Variants in ANKRD44 observed in about 807,000 individuals in gnomAD.
ANKRD44 encodes serine/threonine-protein phosphatase 6 regulatory ankyrin repeat subunit B.
ANKRD44 carries 35 observed loss-of-function variants against 116.0 expected under a neutral mutation model. The observed-to-expected ratio is 0.30, with a 90% confidence interval of 0.23 to 0.40. The LOEUF is 0.40. ANKRD44 is among the 10% of genes least tolerant of loss of function. ANKRD44 has a pLI of 1.00. For missense variants in ANKRD44, 1,014 were observed against 1,242.6 expected (o/e 0.82, Z 2.77); for synonymous variants, 435 against 461.8 (o/e 0.94, Z 0.74).
chr2:197,097,263 G>A (rs2078181560), intron 10 of ANKRD44, among the ~76,000 whole-genome samples: 1 of 152,070 alleles, frequency 6.6e-6, no homozygotes, highest in Admixed American at 6.6e-5. Context: ...AGAAATTCAT[G>A]ATTGTTTGGC....
intron 1 of ANKRD44, among the ~76,000 whole-genome samples, chr2:197,232,219 C>A (rs1397846176): frequency 6.6e-6 from 1 of 152,068 alleles, no homozygotes; most frequent in African/African-American, 2.4e-5. Flanking sequence ...TCACGCAGAC[C>A]CAAAGATATA....
rs2077842667 is a variant in ANKRD44 at position 197,083,374 on chromosome 2, A to G, written c.1452T>C (p.Asp484=). ...ATGAGCAAGGCTGTTTTTACTTTCT[A>G]TCCATGTCTGATGCAGCGGCGTAAT... ...ALHYAAASDM[D]RNKTILGNAH... The change falls in exon 14 of 28, where the codon GAT becomes GAC. Residue 484 remains aspartate (D), a synonymous_variant. Coordinates refer to ENST00000282272, the MANE Select transcript of ANKRD44 (RefSeq NM_001195144.2). The G allele has an allele frequency of 6.2e-7, 1 of 1,612,396 alleles. No homozygotes were observed. The highest frequency in any genetic ancestry group is 8.5e-7 in the Non-Finnish European group (1 of 1,179,442).
At chr2:197,120,142 C>G (rs1158023601) in intron 8 of ANKRD44, among the ~76,000 whole-genome samples, 1 of 152,198 alleles carries the variant, frequency 6.6e-6, no homozygotes, top group African/African-American at 2.4e-5. Flanking sequence ...CTCTTCTCAT[C>G]ATATCTTCTC....
chr2:197,182,898 G>T (rs113381343), intron 2 of ANKRD44, among the ~76,000 whole-genome samples: 8,912 of 152,274 alleles, frequency 0.059, 849 homozygotes, highest in African/African-American at 0.2. Context: ...AGAGCTGTGG[G>T]AGTTGAGGGT....
chr2:197,249,463 T>C (rs919072065), intron 1 of ANKRD44, among the ~76,000 whole-genome samples: 7 of 152,180 alleles, frequency 4.6e-5, no homozygotes, highest in African/African-American at 1.7e-4. Flanking sequence ...ATACTTTTAT[T>C]CAAACAGTAC....
chr2:197,049,856 T>A (rs914387214), intron 16 of ANKRD44, among the ~76,000 whole-genome samples: 1 of 152,126 alleles, frequency 6.6e-6, no homozygotes, highest in African/African-American at 2.4e-5. Context: ...ACCTTTTCAG[T>A]TTTAACACAT....
chr2:197,227,587 AG>A (rs1444392368), intron 1 of ANKRD44, among the ~76,000 whole-genome samples: 1 of 141,000 alleles, frequency 7.1e-6, no homozygotes, highest in Non-Finnish European at 1.5e-5. Flanking sequence ...TAACCCAAAA[AG>A]TGTTTGTTTT....
At chr2:197,002,066 G>T (rs528585514) in intron 21 of ANKRD44, among the ~76,000 whole-genome samples, 1 of 152,170 alleles carries the variant, frequency 6.6e-6, no homozygotes, top group Non-Finnish European at 1.5e-5. Flanking sequence ...CATATGGTCT[G>T]GTGAAGAGAG....
At chr2:196,969,143 C>T (rs1041164440) in intron 21 of ANKRD44, among the ~76,000 whole-genome samples, 2 of 152,216 alleles carry the variant, frequency 1.3e-5, no homozygotes, top group African/African-American at 4.8e-5. Context: ...CTAGGACCCA[C>T]ATGGCTTAGT....
chr2:197,164,551 G>T (rs2080057376), intron 2 of ANKRD44, among the ~76,000 whole-genome samples: 1 of 152,202 alleles, frequency 6.6e-6, no homozygotes, highest in South Asian at 2.1e-4. Flanking sequence ...ACAAAGGCCG[G>T]CTTCGCGGCC....
chr2:197,153,218 ACCCTGCC>A (rs2079701173), intron 2 of ANKRD44, among the ~76,000 whole-genome samples: 1 of 86,052 alleles, frequency 1.2e-5, no homozygotes, highest in Non-Finnish European at 2.1e-5. Flanking sequence ...ACAGAGCAAG[ACCCTGCC>A]AAAAAAAAAA....
rs2077848388 is a variant in ANKRD44 at position 197,083,585 on chromosome 2, A to T, written c.1317-76T>A. On this transcript the variant is annotated intron_variant, in intron 13 of 27. Transcript: ENST00000282272. ...TGTTGTTGGCACTAGCACTGGCAGC[A>T]GTATGCCTAGGGCATGGAAAGCTCT... The T allele has an allele frequency of 5.3e-6, 8 of 1,518,056 alleles. No individual in the cohort carries two copies. In the East Asian group the frequency reaches 1.9e-4, roughly 36 times the overall value. 94.0% of individuals were successfully genotyped at this position (1,518,056 alleles called of 1,614,324 possible). A position where few individuals can be genotyped will look rare whatever the true frequency, so the allele number is the denominator to read the frequency against.
intron 3 of ANKRD44, among the ~76,000 whole-genome samples, chr2:197,145,982 G>A (rs1429961193): frequency 6.6e-6 from 1 of 152,192 alleles, no homozygotes; most frequent in Non-Finnish European, 1.5e-5. Context: ...ATCTGCACAT[G>A]CTCAATTCAT....
rs117054234 is a variant in ANKRD44 at position 197,138,170 on chromosome 2, A to T, written c.191-1508T>A. Among the ~76,000 whole-genome samples, 439 of 152,360 alleles carry T rather than the reference A, an allele frequency of 2.9e-3. 1 individual carries two copies. The highest frequency in any genetic ancestry group is 0.017 in the East Asian group (86 of 5,182). On this transcript the variant is annotated intron_variant, in intron 3 of 27. Transcript: ENST00000282272. ...CTAAGGAGAATTAAGTGAATAGGAA[A>T]GTGCTTTGTAAATTGCAAGGCACTA...
chr2:197,013,352 T>C (rs920453924), intron 18 of ANKRD44, among the ~76,000 whole-genome samples, 159 bp downstream of exon 18: 7 of 152,178 alleles, frequency 4.6e-5, no homozygotes, highest in Admixed American at 1.3e-4. Flanking sequence ...TCCAAGAGGA[T>C]AGCAGGCCAA....
intron 2 of ANKRD44, among the ~76,000 whole-genome samples, chr2:197,154,956 C>G (rs1373327166): frequency 6.6e-6 from 1 of 152,064 alleles, no homozygotes; most frequent in Non-Finnish European, 1.5e-5. Flanking sequence ...TTTTCTATCT[C>G]TAAACATGTT....
At chr2:197,085,906 C>T (rs928825077) in intron 13 of ANKRD44, among the ~76,000 whole-genome samples, 1 of 151,932 alleles carries the variant, frequency 6.6e-6, no homozygotes, top group Non-Finnish European at 1.5e-5. Context: ...TTTCCCATAA[C>T]AGGGAGAGAC....
chr2:197,120,064 C>G (rs1318644623), intron 8 of ANKRD44, among the ~76,000 whole-genome samples: 2 of 152,160 alleles, frequency 1.3e-5, no homozygotes, highest in Non-Finnish European at 2.9e-5. Flanking sequence ...CAAAATCGAT[C>G]TCCATTTTTT....
intron 1 of ANKRD44, among the ~76,000 whole-genome samples, chr2:197,192,451 TC>T (rs2080846647): frequency 6.6e-6 from 1 of 152,234 alleles, no homozygotes; most frequent in African/African-American, 2.4e-5. Flanking sequence ...AATTTGATAT[TC>T]CTAAACATCT....
Sources: allele counts gnomAD v4.1 joint callset (sites outside exome capture counted in the v4.1 genomes callset), GRCh38; gene constraint gnomAD v4.1.1; transcripts MANE v1.5; gene names NCBI Gene and HGNC (gene_info 2026-07-23, HGNC 2026-07-21).